The following ROBO1 variants were observed in gnomAD, a reference collection of about 807,000 sequenced individuals.
ROBO1 encodes the protein roundabout guidance receptor 1.
ROBO1 carries 149 observed loss-of-function variants against 195.9 expected under a neutral mutation model. That is an observed-to-expected ratio of 0.76 (90% CI 0.67 to 0.87). ROBO1 has a LOEUF of 0.87. ROBO1 is among the 40% of genes least tolerant of loss of function. ROBO1 has a pLI of 0.00. For missense variants in ROBO1, 1,933 were observed against 2,068.3 expected (o/e 0.93, Z 1.27); for synonymous variants, 816 against 733.2 (o/e 1.11, Z -1.82).
In ROBO1 at chr3:78,992,249, C is replaced by A. The variant is rs919807558; in HGVS notation, c.173-53322G>T. 1.3e-4 allele frequency among the ~76,000 whole-genome samples: 20 copies of A among 152,122 alleles called. No individual in the cohort carries two copies. In the East Asian group the frequency reaches 1.5e-3, roughly 12 times the overall value. ...GTTTCAGGTGAAAGTGATACCAATCCTGGATCCTGGTGTAGATATCATCTC... is the reference window on the plus strand; with the variant it reads ...GTTTCAGGTGAAAGTGATACCAATCATGGATCCTGGTGTAGATATCATCTC... On this transcript the variant is annotated intron_variant, in intron 3 of 30. Coordinates refer to ENST00000464233, the MANE Select transcript of ROBO1 (RefSeq NM_002941.4).
intron 8 of ROBO1, among the ~76,000 whole-genome samples, chr3:78,698,075 C>T (rs895736495): frequency 2.0e-5 from 3 of 152,088 alleles, no homozygotes; most frequent in Admixed American, 1.3e-4. Context: ...TACTTTTGAA[C>T]GCAGAGCTCA....
At position 78,711,449 on chromosome 3, in the gene ROBO1, TTCCTTCCTTCC is replaced by T. The variant is rs1294746243; in HGVS notation, c.1045+2937_1045+2947del. 1.9e-5 allele frequency among the ~76,000 whole-genome samples: 2 copies of T among 107,438 alleles called. 1 individual carries two copies. Among genetic ancestry groups the T allele is most frequent in the African/African-American group, 8.0e-5 (2 of 25,074 alleles). 70.5% of individuals were successfully genotyped at this position (107,438 alleles called of 152,430 possible). On this transcript the variant is annotated intron_variant, in intron 8 of 30. Coordinates refer to ENST00000464233, the MANE Select transcript of ROBO1 (RefSeq NM_002941.4). ...TTTCTTTCTTTCTTTCTTTCCTTCCTTCCTTCCTTCCTTCCTTTTCTCTCTTTCTCTCTCTC... is the reference window on the plus strand; with the variant it reads ...TTTCTTTCTTTCTTTCTTTCCTTCCTTTCCTTTTCTCTCTTTCTCTCTCTC...
At chr3:79,417,160 G>C (rs532273127) in intron 2 of ROBO1, among the ~76,000 whole-genome samples, 7 of 152,210 alleles carry the variant, frequency 4.6e-5, no homozygotes, top group Admixed American at 2.0e-4. Context: ...TATTGAGAAG[G>C]GGGTGGAAAT....
intron 3 of ROBO1, among the ~76,000 whole-genome samples, chr3:78,959,080 G>A (rs1312738764): frequency 6.6e-6 from 1 of 151,948 alleles, no homozygotes; most frequent in African/African-American, 2.4e-5. Context: ...TGGGAATACA[G>A]GCATGAGCAC....
chr3:79,754,130 G>A (rs1399526693), intron 1 of ROBO1, among the ~76,000 whole-genome samples: 1 of 152,136 alleles, frequency 6.6e-6, no homozygotes, highest in South Asian at 2.1e-4. Context: ...AGGTAAAGAA[G>A]TCAATTATTA....
chr3:78,736,526 G>A (rs1345121383), intron 5 of ROBO1, among the ~76,000 whole-genome samples: 2 of 152,030 alleles, frequency 1.3e-5, no homozygotes, highest in Non-Finnish European at 2.9e-5. Context: ...TAGACAAAGT[G>A]GGTAGAAGAA....
At chr3:78,932,829 A>G (rs1408941843) in intron 4 of ROBO1, among the ~76,000 whole-genome samples, 3 of 152,178 alleles carry the variant, frequency 2.0e-5, no homozygotes, top group Non-Finnish European at 2.9e-5. Flanking sequence ...GTATTTTAAA[A>G]GTGTTCTATA....
At chr3:79,072,001 C>G (rs1229064171) in intron 3 of ROBO1, among the ~76,000 whole-genome samples, 3 of 151,948 alleles carry the variant, frequency 2.0e-5, no homozygotes, top group East Asian at 3.9e-4. Context: ...CCTAAAATCT[C>G]TTAAGGGTTT....
chr3:79,240,145 A>C (rs1250837291), intron 2 of ROBO1, among the ~76,000 whole-genome samples: 1 of 152,190 alleles, frequency 6.6e-6, no homozygotes, highest in Non-Finnish European at 1.5e-5. Context: ...ACAGTTATGA[A>C]TATATAATAC....
At chr3:79,304,859 A>G (rs575816261) in intron 2 of ROBO1, among the ~76,000 whole-genome samples, 112 of 152,302 alleles carry the variant, frequency 7.4e-4, no homozygotes, top group Middle Eastern at 3.4e-3. Flanking sequence ...ATATGGAAAT[A>G]TGCTTTAATT....
intron 3 of ROBO1, chr3:79,018,681 C>T: frequency 2.9e-6 from 4 of 1,369,330 alleles, no homozygotes; most frequent in Non-Finnish European, 2.8e-6. Context: ...TTTGTCTTCT[C>T]CGGCCCCAGG....
intron 2 of ROBO1, among the ~76,000 whole-genome samples, chr3:79,341,729 ATAG>A (rs1210501755): frequency 1.3e-5 from 2 of 152,112 alleles, no homozygotes; most frequent in Non-Finnish European, 2.9e-5. Context: ...CCATCTATTT[ATAG>A]TAGTTTTTTC....
intron 1 of ROBO1, among the ~76,000 whole-genome samples, chr3:79,688,078 A>C (rs1947183791): frequency 6.6e-6 from 1 of 151,944 alleles, no homozygotes. Flanking sequence ...AGGGACATGG[A>C]TGAAGCTGGA....
intron 17 of ROBO1, among the ~76,000 whole-genome samples, chr3:78,658,821 CTT>C (rs1042526898): frequency 4.6e-5 from 7 of 152,154 alleles, no homozygotes; most frequent in Non-Finnish European, 5.9e-5. Flanking sequence ...AATTAAGACT[CTT>C]TTGTGATTTT....
chr3:79,515,701 G>T (rs1295629796), intron 2 of ROBO1, among the ~76,000 whole-genome samples: 3 of 152,028 alleles, frequency 2.0e-5, no homozygotes, highest in Non-Finnish European at 4.4e-5. Flanking sequence ...ATTCAATATT[G>T]ATTTGACTGA....
chr3:78,781,278 A>AGTCACCTTCAC (rs1365234306), intron 4 of ROBO1, among the ~76,000 whole-genome samples: 1 of 152,174 alleles, frequency 6.6e-6, no homozygotes, highest in East Asian at 1.9e-4. Flanking sequence ...CTCTCAAATT[A>AGTCACCTTCAC]GTCACCTTCT....
chr3:79,028,262 G>A (rs984051382), intron 3 of ROBO1, among the ~76,000 whole-genome samples: 1 of 151,680 alleles, frequency 6.6e-6, no homozygotes, highest in Non-Finnish European at 1.5e-5. Context: ...GCATTTTGTT[G>A]TATATTTTTT....
intron 2 of ROBO1, among the ~76,000 whole-genome samples, chr3:79,507,326 A>G (rs1439101238): frequency 6.6e-6 from 1 of 152,178 alleles, no homozygotes; most frequent in East Asian, 1.9e-4. Context: ...CGGTATACAC[A>G]AACTATCGGG....
intron 2 of ROBO1, among the ~76,000 whole-genome samples, chr3:79,185,409 A>G (rs2081419482): frequency 6.6e-6 from 1 of 152,146 alleles, no homozygotes; most frequent in South Asian, 2.1e-4. Flanking sequence ...TTTTACTTAC[A>G]AGTGTTTCCC....
Sources: allele counts gnomAD v4.1 joint callset (sites outside exome capture counted in the v4.1 genomes callset), GRCh38; gene constraint gnomAD v4.1.1; transcripts MANE v1.5; gene names NCBI Gene and HGNC (gene_info 2026-07-23, HGNC 2026-07-21).